Variants in SMPD4 observed in about 807,000 individuals in gnomAD.
The protein encoded by SMPD4 is sphingomyelin phosphodiesterase 4.
Under a neutral mutation model 97.8 loss-of-function variants are expected in SMPD4, and 58 were observed. That is an observed-to-expected ratio of 0.59 (90% CI 0.48 to 0.74). The LOEUF (loss-of-function observed/expected upper bound fraction) is 0.74. Among genes scored for constraint, SMPD4 ranks in the 30% least tolerant of loss-of-function variants. The pLI, the probability that SMPD4 is intolerant of heterozygous loss-of-function variation, is 0.00. For synonymous variants in SMPD4, 388 were observed against 450.0 expected (o/e 0.86, Z 1.74); for missense variants, 853 against 1,080.5 (o/e 0.79, Z 2.95).
intron 10 of SMPD4, among the ~76,000 whole-genome samples, chr2:130,161,854 T>A (rs1687454348): frequency 6.6e-6 from 1 of 152,206 alleles, no homozygotes; most frequent in African/African-American, 2.4e-5. Flanking sequence ...TGACTGGATT[T>A]CCCTGGGTTG....
At chr2:130,164,264 T>A in intron 10 of SMPD4, 110 bp downstream of exon 10, 1 of 915,466 alleles carries the variant, frequency 1.1e-6, no homozygotes, top group South Asian at 1.4e-5. Context: ...GGGTGGTGGG[T>A]TTCTGCTTCC....
rs1686658228 is a variant in SMPD4 at position 130,155,204 on chromosome 2, G to C, written c.1345C>G (p.Leu449Val). ...AGGTCTGTGCGGAGCGCGCGGTTCA[G>C]AAAGCCCACAAACAACTTGGTGTAC... ...LMYTKLFVGF[L>V]NRALRTDLVS... The change falls in exon 15 of 20, where the codon CTG becomes GTG. Residue 449 changes from leucine to valine, a missense_variant. Physicochemically the swap from Leu to Val is conservative, Grantham distance 32. Around this residue, in one of 3 missense-constraint regions of SMPD4, gnomAD observed 511 missense variants for 608.1 expected, o/e 0.84. Coordinates refer to ENST00000680298, the MANE Select transcript of SMPD4 (RefSeq NM_017951.5). 1 of 1,614,076 alleles carries C rather than the reference G, an allele frequency of 6.2e-7. No homozygotes were observed. Among genetic ancestry groups the C allele is most frequent in the Non-Finnish European group, 8.5e-7 (1 of 1,180,052 alleles).
intron 2 of SMPD4, among the ~76,000 whole-genome samples, chr2:130,175,694 G>T (rs1483864936): frequency 6.6e-6 from 1 of 152,166 alleles, no homozygotes; most frequent in African/African-American, 2.4e-5. Context: ...AGGAGAAAAA[G>T]GGCATCTGTG....
At chr2:130,156,562 C>A (rs370955057) in intron 13 of SMPD4, 23 bp downstream of exon 13, 450 of 1,605,546 alleles carry the variant, frequency 2.8e-4, no homozygotes, top group Non-Finnish European at 3.6e-4. Context: ...CACAGGCACA[C>A]GTGTGACGGG....
intron 11 of SMPD4, among the ~76,000 whole-genome samples, chr2:130,158,966 G>C (rs1231999215): frequency 6.6e-6 from 1 of 152,194 alleles, no homozygotes; most frequent in African/African-American, 2.4e-5. Context: ...CCAGAGATAA[G>C]TGGCTGAGTC....
intron 1 of SMPD4, among the ~76,000 whole-genome samples, chr2:130,177,097 T>G (rs201825201): frequency 2.0e-5 from 3 of 152,158 alleles, no homozygotes; most frequent in East Asian, 3.9e-4. Flanking sequence ...ACTTATTGAT[T>G]AGAGACAGGC....
chr2:130,163,586 C>T (rs545052294), intron 10 of SMPD4, among the ~76,000 whole-genome samples: 1 of 152,380 alleles, frequency 6.6e-6, no homozygotes, highest in East Asian at 1.9e-4. Flanking sequence ...TACTGATGCA[C>T]AGACGCCATG....
intron 12 of SMPD4, among the ~76,000 whole-genome samples, chr2:130,157,035 C>T (rs1686873630): frequency 1.3e-5 from 2 of 152,122 alleles, no homozygotes; most frequent in Admixed American, 1.3e-4. Flanking sequence ...ACAATGGGGC[C>T]TCTCTGGCCA....
intron 11 of SMPD4, 55 bp downstream of exon 11, chr2:130,161,131 T>C (rs1687359141): frequency 6.4e-7 from 1 of 1,561,864 alleles, no homozygotes; most frequent in African/African-American, 1.4e-5. Context: ...CCCCTTGCTT[T>C]GCCAGGCATG....
In SMPD4 at chr2:130,153,163, A is replaced by G. The variant is rs1421644221; in HGVS notation, c.2034T>C (p.Asn678=). Residue 678 remains asparagine (N), a synonymous_variant, in exon 19 of 20, where the codon AAT becomes AAC. Coordinates refer to ENST00000680298, the MANE Select transcript of SMPD4 (RefSeq NM_017951.5). ...LTPLGRYQII[N]GLRRFEIEYQ... ...ACTCAATTTCAAACCTTCGCAGCCC[A>G]TTGATGATCTAGAAAGCCAGGCCAT... The G allele has an allele frequency of 3.7e-6, 6 of 1,613,766 alleles. No individual in the cohort carries two copies. The highest frequency in any genetic ancestry group is 5.1e-6 in the Non-Finnish European group (6 of 1,179,964).
Position 130,173,582 on chromosome 2 carries a change from G to C in SMPD4, c.201C>G (p.Asn67Lys). ...GSLDGVLVGW[N>K]LRCLQGRVNP... ...TCACGCGCCCCTGTAAGCAGCGGAG[G>C]TTCCAGCCAACGAGGACACCATCTA... is the stretch of plus-strand genomic sequence containing the variant. Residue 67 changes from asparagine (N) to lysine (K), a missense_variant, in exon 4 of 20, where the codon AAC becomes AAG. By Grantham distance (94) the Asn-to-Lys change is moderately conservative. This residue lies in a region of SMPD4 where 313 missense variants were observed against 402.2 expected (regional missense o/e 0.78). Transcript: ENST00000680298. 6.2e-7 allele frequency: 1 copy of C among 1,613,862 alleles called. No homozygotes were observed. Among genetic ancestry groups the C allele is most frequent in the Non-Finnish European group, 8.5e-7 (1 of 1,179,860 alleles).
intron 15 of SMPD4, 60 bp downstream of exon 15, chr2:130,155,036 G>A (rs1302173776): frequency 2.5e-6 from 4 of 1,593,682 alleles, no homozygotes; most frequent in Middle Eastern, 1.7e-4. Context: ...CCCAGCTAAG[G>A]GCCTGGCCCT....
Position 130,153,159 on chromosome 2 carries a change from G to A in SMPD4, c.2038C>T (p.Leu680=). The change falls in exon 19 of 20, where the codon CTG becomes TTG. Residue 680 remains leucine (L), a synonymous_variant. Coordinates refer to ENST00000680298, the MANE Select transcript of SMPD4 (RefSeq NM_017951.5). ...PLGRYQIING[L]RRFEIEYQGD... ...TGGTACTCAATTTCAAACCTTCGCAGCCCATTGATGATCTAGAAAGCCAGG... is the reference window on the plus strand; with the variant it reads ...TGGTACTCAATTTCAAACCTTCGCAACCCATTGATGATCTAGAAAGCCAGG... 1 of 1,613,856 alleles carries A rather than the reference G, an allele frequency of 6.2e-7. No homozygotes were observed. Among genetic ancestry groups the A allele is most frequent in the South Asian group, 1.1e-5 (1 of 91,084 alleles).
chr2:130,160,835 C>A (rs1482298366), intron 11 of SMPD4, among the ~76,000 whole-genome samples: 3 of 152,186 alleles, frequency 2.0e-5, no homozygotes, highest in African/African-American at 7.2e-5. Flanking sequence ...GTGAACCCAG[C>A]CACTGCTGAG....
chr2:130,156,644 G>A lies in SMPD4; in HGVS notation c.1129C>T (p.Leu377Phe). Residue 377 changes from leucine to phenylalanine, a missense_variant, in exon 13 of 20, where the codon CTC becomes TTC. Physicochemically the swap from Leu to Phe is conservative, Grantham distance 22 (BLOSUM62 0). Around this residue, in one of 3 missense-constraint regions of SMPD4, gnomAD observed 511 missense variants for 608.1 expected, o/e 0.84. Transcript: ENST00000680298. ...AAVPRFVQQK[L>F]YLFLQHCFGH... ...AAGCAATGCTGCAAGAAGAGGTAGA[G>A]TTTCTGCTGGACGAACCTCGGGACA... 1 of 1,613,932 alleles carries A rather than the reference G, an allele frequency of 6.2e-7. No homozygotes were observed. Among genetic ancestry groups the A allele is most frequent in the Non-Finnish European group, 8.5e-7 (1 of 1,179,920 alleles).
In SMPD4 at chr2:130,164,432, A is replaced by G. The variant is rs781462260; in HGVS notation, c.806T>C (p.Met269Thr). Residue 269 changes from methionine to threonine, a missense_variant, in exon 10 of 20, where the codon ATG becomes ACG. Met to Thr is a moderately conservative substitution (Grantham distance 81). Around this residue, in one of 3 missense-constraint regions of SMPD4, gnomAD observed 313 missense variants for 402.2 expected, o/e 0.78. Transcript: ENST00000680298. ...SETLLQVFVE[M>T]WLHHYSLEMY... ...CTCCAAGGAATAGTGATGAAGCCACATTTCAACAAAAACCTGCAAAAAAGC... is the reference window on the plus strand; with the variant it reads ...CTCCAAGGAATAGTGATGAAGCCACGTTTCAACAAAAACCTGCAAAAAAGC... The G allele has an allele frequency of 1.9e-6, 3 of 1,614,134 alleles. No individual in the cohort carries two copies. The highest frequency in any genetic ancestry group is 2.5e-6 in the Non-Finnish European group (3 of 1,180,002).
At chr2:130,165,694 T>C (rs1479172893) in intron 9 of SMPD4, among the ~76,000 whole-genome samples, 1 of 152,184 alleles carries the variant, frequency 6.6e-6, no homozygotes, top group Non-Finnish European at 1.5e-5. Flanking sequence ...AGAATAGTGG[T>C]TGCCAGGTGC....
intron 11 of SMPD4, chr2:130,157,662 T>G (rs1421378742): frequency 8.3e-6 from 5 of 604,006 alleles, no homozygotes; most frequent in Non-Finnish European, 1.4e-5. Context: ...GAGGCCTCAC[T>G]AAGACAGACA....
intron 15 of SMPD4, chr2:130,154,830 G>A (rs1438414704): frequency 1.3e-5 from 8 of 605,938 alleles, no homozygotes; most frequent in East Asian, 2.8e-5. Flanking sequence ...GCGGGGTCAC[G>A]GGGCCGCAGC....
Sources: gnomAD v4.1 joint callset for allele counts (sites outside exome capture counted in the v4.1 genomes callset) on GRCh38, gnomAD v4.1.1 for gene constraint, gnomAD v4.1.1 regional missense constraint, MANE v1.5 for transcripts, NCBI Gene and HGNC (gene_info 2026-07-23, HGNC 2026-07-21) for gene names.